The following SPEN variants were observed in gnomAD, a reference collection of about 807,000 sequenced individuals.
The protein encoded by SPEN is spen family transcriptional repressor, also known as msx2-interacting protein.
Under a neutral mutation model 269.9 loss-of-function variants are expected in SPEN, and 18 were observed. That is an observed-to-expected ratio of 0.07 (90% CI 0.05 to 0.10). The LOEUF (loss-of-function observed/expected upper bound fraction) is 0.10. Among genes scored for constraint, SPEN ranks in the 10% least tolerant of loss-of-function variants. The probability of loss-of-function intolerance (pLI) is 1.00; values close to 1 mark genes in which losing one functional copy is unlikely to be tolerated. For missense variants in SPEN, 3,822 were observed against 4,631.2 expected (o/e 0.83, Z 5.07); for synonymous variants, 1,726 against 1,765.7 (o/e 0.98, Z 0.56).
intron 4 of SPEN, among the ~76,000 whole-genome samples, chr1:15,910,124 T>TAAAA (rs57198076): frequency 3.0e-5 from 2 of 65,698 alleles, no homozygotes; most frequent in South Asian, 5.8e-4. Flanking sequence ...ACTCTGTCTC[T>TAAAA]AAAAAAAAAA....
intron 7 of SPEN, 46 bp from the exon 8 acceptor site, chr1:15,919,358 A>G (rs2148733156): frequency 2.5e-6 from 3 of 1,214,570 alleles, no homozygotes; most frequent in East Asian, 2.4e-5. Context: ...GTAGTTGAAT[A>G]GTAATTGTGA....
In SPEN at chr1:15,892,321, G is replaced by T. The variant is rs555109550; in HGVS notation, c.881+15643G>T. 1.8e-3 allele frequency among the ~76,000 whole-genome samples: 277 copies of T among 152,228 alleles called. 2 individuals are homozygous for T. Among genetic ancestry groups the T allele is most frequent in the South Asian group, 5.2e-3 (25 of 4,826 alleles). On this transcript the variant is annotated intron_variant, in intron 3 of 14. Transcript: ENST00000375759. ...TTACAGGCGTGAGCCACTGCTCCCA[G>T]CTCTTCGTTTTACTTTTTAAAATAT...
intron 3 of SPEN, among the ~76,000 whole-genome samples, chr1:15,897,317 T>G (rs2070851999): frequency 6.6e-6 from 1 of 151,602 alleles, no homozygotes; most frequent in Non-Finnish European, 1.5e-5. Flanking sequence ...GCCACCCGAG[T>G]AGCTGGGACT....
chr1:15,906,583 A>G (rs376220428), intron 3 of SPEN, among the ~76,000 whole-genome samples: 20 of 147,164 alleles, frequency 1.4e-4, no homozygotes, highest in African/African-American at 4.8e-4. Context: ...CTCAGCTTCC[A>G]GAGTAGCTTG....
chr1:15,888,566 C>T (rs946059708), intron 3 of SPEN, among the ~76,000 whole-genome samples: 15 of 151,910 alleles, frequency 9.9e-5, no homozygotes, highest in East Asian at 5.8e-4. Context: ...TCAGGTGATC[C>T]GCCCAGCTTT....
chr1:15,933,941 C>G lies in SPEN; in HGVS notation c.7701C>G (p.Cys2567Trp). The change falls in exon 11 of 15, where the codon TGC (cysteine) becomes TGG (tryptophan). Residue 2567 changes from cysteine to tryptophan, a missense_variant. Around this residue, in one of 16 missense-constraint regions of SPEN, gnomAD observed 727 missense variants for 737.9 expected, o/e 0.99. Transcript: ENST00000375759. This position sits in a 1 kb window ranked among gnomAD's most constrained non-coding sequence, Gnocchi z 5.7. ...AIAEPVSAAP[C>W]LHEAPPPPVD... is the part of the protein sequence containing the mutation. ...CAGAGCCTGTCAGTGCTGCCCCTTG[C>G]CTACATGAGGCCCCGCCCCCGCCAG... 6.2e-7 allele frequency: 1 copy of G among 1,614,026 alleles called. No homozygotes were observed. Among genetic ancestry groups the G allele is most frequent in the Non-Finnish European group, 8.5e-7 (1 of 1,179,958 alleles).
intron 1 of SPEN, among the ~76,000 whole-genome samples, chr1:15,857,837 T>A (rs1182295027): frequency 6.6e-6 from 1 of 151,930 alleles, no homozygotes; most frequent in Non-Finnish European, 1.5e-5. Flanking sequence ...ATTAAAAAAA[T>A]TTGTTTTAGA....
intron 3 of SPEN, among the ~76,000 whole-genome samples, chr1:15,880,035 A>G (rs2070672162): frequency 6.6e-6 from 1 of 152,198 alleles, no homozygotes; most frequent in Non-Finnish European, 1.5e-5. Context: ...TGTTTAAAAA[A>G]TTGGAATTTC....
In SPEN at chr1:15,931,084, A is replaced by G; in HGVS notation, c.4844A>G (p.Asn1615Ser). 2 of 1,614,070 alleles carry G rather than the reference A, an allele frequency of 1.2e-6. No homozygotes were observed. The highest frequency in any genetic ancestry group is 2.2e-5 in the South Asian group (2 of 91,058). The change falls in exon 11 of 15, where the codon AAT becomes AGT. Residue 1615 changes from asparagine to serine, a missense_variant. Asn to Ser is a conservative substitution (Grantham distance 46, BLOSUM62 1). Transcript: ENST00000375759. This position sits in a 1 kb window ranked among gnomAD's most constrained non-coding sequence, Gnocchi z 4.8. ...KEVEKQEDTE[N>S]HPKTPESAPE... The stretch of plus-strand genomic sequence containing the variant: ...GTTGAGAAACAGGAAGATACAGAGA[A>G]TCATCCCAAGACCCCAGAATCTGCT...
Position 15,932,451 on chromosome 1 carries a change from A to G in SPEN, c.6211A>G (p.Lys2071Glu). ...EVVEKKPAPE[K>E]NSKSKRGRSR... The stretch of plus-strand genomic sequence containing the variant: ...TGTAGAGAAAAAACCGGCCCCTGAA[A>G]AAAACTCCAAATCAAAGAGAGGAAG... The change falls in exon 11 of 15, where the codon AAA becomes GAA. Residue 2071 changes from lysine (K) to glutamate (E), a missense_variant. Lys to Glu is a moderately conservative substitution (Grantham distance 56). This residue lies in a region of SPEN where 727 missense variants were observed against 737.9 expected (regional missense o/e 0.99). Transcript: ENST00000375759. The surrounding 1 kb of genome is among the most constrained non-coding windows in gnomAD (Gnocchi z 4.2). 2 of 1,612,982 alleles carry G rather than the reference A, an allele frequency of 1.2e-6. No homozygotes were observed. The highest frequency in any genetic ancestry group is 1.7e-4 in the Middle Eastern group (1 of 6,060).
At chr1:15,867,473 T>C (rs527798218) in intron 1 of SPEN, among the ~76,000 whole-genome samples, 3 of 152,278 alleles carry the variant, frequency 2.0e-5, no homozygotes, top group Admixed American at 6.5e-5. Flanking sequence ...GCTGGGGTTA[T>C]AGGCCTGAGC....
At chr1:15,880,277 T>C (rs1035998704) in intron 3 of SPEN, among the ~76,000 whole-genome samples, 1 of 151,842 alleles carries the variant, frequency 6.6e-6, no homozygotes, top group Non-Finnish European at 1.5e-5. Context: ...TTCTGAGAGG[T>C]TATAGAGCAT....
At chr1:15,921,654 T>C (rs1322700144) in intron 9 of SPEN, among the ~76,000 whole-genome samples, 1 of 152,240 alleles carries the variant, frequency 6.6e-6, no homozygotes, top group Non-Finnish European at 1.5e-5. Flanking sequence ...TATGTCTTTC[T>C]TTCCTTTCCT....
chr1:15,891,906 T>TTAA (rs570917029), intron 3 of SPEN, among the ~76,000 whole-genome samples: 1 of 144,550 alleles, frequency 6.9e-6, no homozygotes, highest in Non-Finnish European at 1.5e-5. Flanking sequence ...CTGGTTTTTT[T>TTAA]AAAAAAAAAA....
At chr1:15,912,907 C>A (rs564657951) in intron 5 of SPEN, among the ~76,000 whole-genome samples, 67 of 152,270 alleles carry the variant, frequency 4.4e-4, no homozygotes, top group African/African-American at 1.6e-3. Flanking sequence ...GATGGTAGGG[C>A]TAGCTTGAGA....
intron 3 of SPEN, among the ~76,000 whole-genome samples, chr1:15,894,180 A>T (rs867341303): frequency 6.6e-6 from 1 of 152,210 alleles, no homozygotes; most frequent in South Asian, 2.1e-4. Flanking sequence ...CATACAAGAA[A>T]TATCAGATTC....
chr1:15,900,292 C>T (rs1350483906), intron 3 of SPEN, among the ~76,000 whole-genome samples: 3 of 152,188 alleles, frequency 2.0e-5, no homozygotes, highest in African/African-American at 7.2e-5. Flanking sequence ...TGATATTAAA[C>T]TACCACCTTC....
At chr1:15,863,617 G>A (rs2070468579) in intron 1 of SPEN, among the ~76,000 whole-genome samples, 1 of 152,158 alleles carries the variant, frequency 6.6e-6, no homozygotes, top group South Asian at 2.1e-4. Flanking sequence ...GAGACTAGAG[G>A]ACTGCTTGAG....
intron 5 of SPEN, among the ~76,000 whole-genome samples, chr1:15,912,144 A>G (rs1427716305): frequency 2.6e-5 from 4 of 152,202 alleles, no homozygotes; most frequent in African/African-American, 7.2e-5. Flanking sequence ...TTTCCAGGGA[A>G]CATTTATTAT....
Sources: gnomAD v4.1 joint callset for allele counts (sites outside exome capture counted in the v4.1 genomes callset) on GRCh38, gnomAD v4.1.1 for gene constraint, gnomAD v4.1.1 regional missense constraint, Gnocchi (gnomAD v3.1) non-coding constraint, MANE v1.5 for transcripts, NCBI Gene and HGNC (gene_info 2026-07-23, HGNC 2026-07-21) for gene names.